The following CCDC73 variants were observed in gnomAD, a reference collection of about 807,000 sequenced individuals.
CCDC73 encodes coiled-coil domain containing 73, also known as coiled-coil domain-containing protein 73.
Under a neutral mutation model 116.5 loss-of-function variants are expected in CCDC73, and 95 were observed. The observed-to-expected ratio is 0.82, with a 90% CI of 0.69 to 0.97. The LOEUF (loss-of-function observed/expected upper bound fraction) is 0.97, where lower values mean the gene tolerates loss of function less well. Ranked by LOEUF, CCDC73 falls within the 50% of genes least tolerant of loss-of-function variation. CCDC73 has a pLI of 0.00. For missense variants in CCDC73, 1,066 were observed against 1,206.8 expected (o/e 0.88, Z 1.73); for synonymous variants, 398 against 401.3 (o/e 0.99, Z 0.10).
intron 6 of CCDC73, among the ~76,000 whole-genome samples, chr11:32,687,665 T>C (rs925198493): frequency 2.6e-5 from 4 of 152,172 alleles, no homozygotes; most frequent in Non-Finnish European, 5.9e-5. Flanking sequence ...TGTATGTGTA[T>C]ATGTATGTAA....
intron 2 of CCDC73, among the ~76,000 whole-genome samples, chr11:32,734,668 A>C (rs145849822): frequency 6.6e-6 from 1 of 152,148 alleles, no homozygotes. Flanking sequence ...AACTCATTTT[A>C]TAAGGCCAGC....
At position 32,672,460 on chromosome 11, in the gene CCDC73, T is replaced by C. The variant is rs117009007; in HGVS notation, c.645+3105A>G. Among the ~76,000 whole-genome samples, 456 of 152,338 alleles carry C rather than the reference T, an allele frequency of 3.0e-3. 1 individual carries two copies. Among genetic ancestry groups the C allele is most frequent in the Admixed American group, 4.3e-3 (66 of 15,298 alleles). On this transcript the variant is annotated intron_variant, in intron 9 of 17. Transcript: ENST00000335185. ...TTCATAAGAATGCATAAACTAATTGTATAAAGGCTTATTAATATTTTAATC... is the reference window on the plus strand; with the variant it reads ...TTCATAAGAATGCATAAACTAATTGCATAAAGGCTTATTAATATTTTAATC...
chr11:32,647,659 G>A (rs753260465), intron 12 of CCDC73, among the ~76,000 whole-genome samples: 3 of 151,848 alleles, frequency 2.0e-5, no homozygotes, highest in South Asian at 2.1e-4. Flanking sequence ...CTTTTCTCTC[G>A]GGCAGGTTAG....
the CCDC73 span, among the ~76,000 whole-genome samples, chr11:32,805,517 GAGTCA>G: frequency 6.6e-6 from 1 of 152,156 alleles, no homozygotes; most frequent in Non-Finnish European, 1.5e-5. Flanking sequence ...AGAGTTCAGT[GAGTCA>G]AGTCAAGTGT....
chr11:32,641,974 G>A lies in CCDC73; in HGVS notation c.1048C>T (p.His350Tyr), dbSNP rs745631658. Reference protein sequence around the residue: ...HEKALGTWKRHAEELNGEINK... With the variant: ...HEKALGTWKRYAEELNGEINK... ...ATTTTTCTATTTAATAAACTTACAT[G>A]TCTTTTCCAAGTTCCTAGTGCTTTT... The change falls in exon 13 of 18, where the codon CAT (histidine) becomes TAT (tyrosine). Residue 350 changes from histidine (H) to tyrosine (Y), a missense_variant and splice_region_variant. Coordinates refer to ENST00000335185, the MANE Select transcript of CCDC73 (RefSeq NM_001008391.4). The A allele has an allele frequency of 6.7e-7, 1 of 1,493,506 alleles. No homozygotes were observed. The highest frequency in any genetic ancestry group is 8.9e-7 in the Non-Finnish European group (1 of 1,119,902). 92.5% of individuals were successfully genotyped at this position (1,493,506 alleles called of 1,614,324 possible).
intron 14 of CCDC73, among the ~76,000 whole-genome samples, chr11:32,631,531 C>T (rs966021611): frequency 6.0e-5 from 9 of 149,386 alleles, no homozygotes; most frequent in African/African-American, 2.2e-4. Flanking sequence ...CAAGAAAAAT[C>T]CTAAAATATT....
chr11:32,703,015 G>T, intron 3 of CCDC73, 71 bp from the exon 4 acceptor site: 1 of 1,015,066 alleles, frequency 9.9e-7, no homozygotes, highest in Non-Finnish European at 1.6e-6. Flanking sequence ...ATCTTAACTA[G>T]GTTCACAATT....
intron 6 of CCDC73, among the ~76,000 whole-genome samples, chr11:32,687,820 G>GT (rs1005656514): frequency 5.9e-5 from 9 of 152,008 alleles, no homozygotes; most frequent in Non-Finnish European, 1.3e-4. Context: ...TGGAGAAATG[G>GT]TTTTTTCCAG....
chr11:32,625,220 T>C (rs551558929), intron 14 of CCDC73, among the ~76,000 whole-genome samples: 1 of 152,328 alleles, frequency 6.6e-6, no homozygotes, highest in South Asian at 2.1e-4. Flanking sequence ...TAATGGATCT[T>C]GACTCTTTAT....
the CCDC73 span, among the ~76,000 whole-genome samples, chr11:32,810,990 G>A: frequency 6.6e-6 from 1 of 151,732 alleles, no homozygotes; most frequent in African/African-American, 2.4e-5. Flanking sequence ...AATTAGCCGG[G>A]CATGGTGGCA....
chr11:32,617,655 G>A (rs1249336672), intron 14 of CCDC73, among the ~76,000 whole-genome samples: 1 of 152,220 alleles, frequency 6.6e-6, no homozygotes, highest in African/African-American at 2.4e-5. Flanking sequence ...ATGATTGGAT[G>A]TGAAGGCTGA....
chr11:32,694,742 GA>G (rs1856293155), intron 6 of CCDC73, among the ~76,000 whole-genome samples: 1 of 151,808 alleles, frequency 6.6e-6, no homozygotes, highest in East Asian at 1.9e-4. Flanking sequence ...CTTTTAGTAG[GA>G]AAAAAATGTA....
intron 6 of CCDC73, among the ~76,000 whole-genome samples, chr11:32,688,832 T>G (rs1362103516): frequency 5.3e-5 from 8 of 152,234 alleles, no homozygotes; most frequent in Admixed American, 2.6e-4. Context: ...TAAAAAAAAG[T>G]TAACATACAG....
intron 2 of CCDC73, among the ~76,000 whole-genome samples, chr11:32,746,746 G>A (rs940281477): frequency 1.3e-5 from 2 of 151,966 alleles, no homozygotes; most frequent in Admixed American, 6.6e-5. Flanking sequence ...TATGCTTCAC[G>A]AAGTTCTCGT....
intron 3 of CCDC73, among the ~76,000 whole-genome samples, chr11:32,716,522 G>C (rs1849947452): frequency 6.6e-6 from 1 of 152,076 alleles, no homozygotes; most frequent in Non-Finnish European, 1.5e-5. Flanking sequence ...CTTAGAATAA[G>C]CTTAAGTACC....
At chr11:32,733,408 A>T (rs1314280703) in intron 2 of CCDC73, among the ~76,000 whole-genome samples, 3 of 152,216 alleles carry the variant, frequency 2.0e-5, no homozygotes, top group African/African-American at 7.2e-5. Context: ...TCAGCTCTGC[A>T]CCAAGTGGAC....
intron 2 of CCDC73, among the ~76,000 whole-genome samples, chr11:32,752,840 T>C (rs1462214918): frequency 6.6e-6 from 1 of 152,234 alleles, no homozygotes; most frequent in African/African-American, 2.4e-5. Flanking sequence ...GTCTTGCTTG[T>C]CATCCATGCT....
At chr11:32,830,164 G>A in the CCDC73 span, 1 of 1,026,072 alleles carries the variant, frequency 9.7e-7, no homozygotes, top group Non-Finnish European at 1.2e-6. Flanking sequence ...ACATGTGCGG[G>A]GGGACACAGG....
At chr11:32,634,664 T>C (rs1855662208) in intron 14 of CCDC73, among the ~76,000 whole-genome samples, 1 of 152,146 alleles carries the variant, frequency 6.6e-6, no homozygotes, top group Non-Finnish European at 1.5e-5. Flanking sequence ...AGCTAGTGCA[T>C]AAATTGAGAA....
Sources: gnomAD v4.1 joint callset for allele counts (sites outside exome capture counted in the v4.1 genomes callset) on GRCh38, gnomAD v4.1.1 for gene constraint, MANE v1.5 for transcripts, NCBI Gene and HGNC (gene_info 2026-07-23, HGNC 2026-07-21) for gene names.